Variants in RGS3 observed in about 807,000 individuals in gnomAD.
The protein encoded by RGS3 is regulator of G protein signaling 3, also known as regulator of G-protein signalling 3.
In RGS3, 80 loss-of-function variants were observed where a neutral mutation model predicts 132.6. That is an observed-to-expected ratio of 0.60 (90% CI 0.50 to 0.73). The LOEUF is 0.73. Among genes scored for constraint, RGS3 ranks in the 30% least tolerant of loss-of-function variants. The probability of loss-of-function intolerance (pLI) is 0.00; values close to 1 mark genes in which losing one functional copy is unlikely to be tolerated. For synonymous variants in RGS3, 598 were observed against 620.6 expected, an observed-to-expected ratio of 0.96 and a Z score of 0.54; for missense variants, 1,382 against 1,530.8, an observed-to-expected ratio of 0.90 and a Z score of 1.62.
chr9:113,593,888 C>T (rs1473047094), intron 21 of RGS3: 4 of 1,557,796 alleles, frequency 2.6e-6, no homozygotes, highest in Non-Finnish European at 3.5e-6. Context: ...GCTGACTTGT[C>T]CCCCACCCCC....
chr9:113,474,859 G>A (rs748354150), intron 3 of RGS3, among the ~76,000 whole-genome samples: 52 of 152,120 alleles, frequency 3.4e-4, no homozygotes, highest in Non-Finnish European at 6.2e-4. Flanking sequence ...GACACATTCC[G>A]GCTGATCCCT....
In RGS3 at chr9:113,461,902, G is replaced by A. The variant is rs1477033719; in HGVS notation, c.234+42G>A. The A allele has an allele frequency of 6.9e-6, 11 of 1,602,820 alleles. No individual in the cohort carries two copies. In the East Asian group the frequency reaches 2.5e-4, roughly 36 times the overall value. On this transcript the variant is annotated intron_variant, in intron 2 of 24. Transcript: ENST00000350696. ...GCACATCACCTTCCCTTTTCCCTGT[G>A]GGCCTTCCTTTGCTGTTTCCTGAAC...
intron 19 of RGS3, among the ~76,000 whole-genome samples, chr9:113,561,494 C>T (rs1415465190): frequency 6.6e-6 from 1 of 151,932 alleles, no homozygotes; most frequent in African/African-American, 2.4e-5. Context: ...CTCATTGCAG[C>T]CTCAACCTCC....
upstream of RGS3, among the ~76,000 whole-genome samples, chr9:113,456,055 G>A (rs191676557): frequency 2.0e-5 from 3 of 152,194 alleles, no homozygotes; most frequent in African/African-American, 7.2e-5. Flanking sequence ...TAAACCTACT[G>A]GACCTCTTAA....
At chr9:113,451,560 C>T (rs1006566800) in intron 1 of RGS3, among the ~76,000 whole-genome samples, 26 of 152,318 alleles carry the variant, frequency 1.7e-4, no homozygotes, top group African/African-American at 5.8e-4. Flanking sequence ...TAAGTAGCAT[C>T]CATATTCCCA....
At chr9:113,582,153 G>A in intron 19 of RGS3, 1 of 985,438 alleles carries the variant, frequency 1.0e-6, no homozygotes, top group Non-Finnish European at 1.2e-6. Flanking sequence ...CCCAGCTGTG[G>A]GGCTTCACCA....
chr9:113,569,259 G>T (rs903197220), intron 19 of RGS3, among the ~76,000 whole-genome samples: 1 of 152,190 alleles, frequency 6.6e-6, no homozygotes, highest in Non-Finnish European at 1.5e-5. Context: ...TGGGCAAATA[G>T]CAGAGCTCGG....
intron 19 of RGS3, among the ~76,000 whole-genome samples, chr9:113,573,405 C>T (rs929690859): frequency 6.6e-6 from 1 of 152,208 alleles, no homozygotes; most frequent in South Asian, 2.1e-4. Flanking sequence ...CCATGGGCTA[C>T]TGTGTGCCAG....
At chr9:113,567,434 C>G (rs903891322) in intron 19 of RGS3, among the ~76,000 whole-genome samples, 1 of 152,190 alleles carries the variant, frequency 6.6e-6, no homozygotes, top group African/African-American at 2.4e-5. Flanking sequence ...AGGGGCGTTG[C>G]ATTGTCCTGG....
At chr9:113,456,291 G>A (rs1257749882), upstream of RGS3, among the ~76,000 whole-genome samples, 1 of 152,132 alleles carries the variant, frequency 6.6e-6, no homozygotes, top group African/African-American at 2.4e-5. Context: ...TTTTTGCTGA[G>A]CTTCAGACCA....
chr9:113,482,970 G>A, intron 4 of RGS3, 89 bp from the exon 3 acceptor site: 1 of 1,605,958 alleles, frequency 6.2e-7, no homozygotes. Flanking sequence ...TATTCGTGTG[G>A]ATGGATATGT....
At chr9:113,483,961 C>T (rs1240904133) in intron 5 of RGS3, among the ~76,000 whole-genome samples, 177 bp from the exon 4 acceptor site, 1 of 152,136 alleles carries the variant, frequency 6.6e-6, no homozygotes. Context: ...TCCAATGTCT[C>T]TTGCCCTGGG....
chr9:113,577,965 A>G (rs923028079), intron 19 of RGS3, among the ~76,000 whole-genome samples: 3 of 152,276 alleles, frequency 2.0e-5, no homozygotes, highest in African/African-American at 7.2e-5. Context: ...CACAGAGCCT[A>G]GAACAGTGTC....
At chr9:113,496,951 C>T (rs1166194546) in intron 8 of RGS3, among the ~76,000 whole-genome samples, 1 of 152,182 alleles carries the variant, frequency 6.6e-6, no homozygotes. Flanking sequence ...GTCTCTCCAT[C>T]CCTCTTTCAC....
At chr9:113,486,732 A>G (rs1830344320) in intron 7 of RGS3, among the ~76,000 whole-genome samples, 2 of 152,248 alleles carry the variant, frequency 1.3e-5, no homozygotes, top group African/African-American at 4.8e-5. Flanking sequence ...GAGACCTGGA[A>G]AACATTTTTG....
intron 7 of RGS3, 108 bp downstream of exon 5, chr9:113,485,801 G>A: frequency 1.4e-6 from 1 of 740,686 alleles, no homozygotes; most frequent in Non-Finnish European, 2.3e-6. Flanking sequence ...GGATAAATGA[G>A]TGATAGTGGC....
At chr9:113,576,274 C>G (rs1834518501) in intron 19 of RGS3, among the ~76,000 whole-genome samples, 1 of 151,684 alleles carries the variant, frequency 6.6e-6, no homozygotes, top group Non-Finnish European at 1.5e-5. Context: ...GCTGCTGGCT[C>G]TTGGGCTGCA....
chr9:113,586,764 T>TTACTGG (rs1835135788), intron 20 of RGS3, among the ~76,000 whole-genome samples: 1 of 152,236 alleles, frequency 6.6e-6, no homozygotes, highest in South Asian at 2.1e-4. Context: ...GCTCCATCTC[T>TTACTGG]TACTGGTACT....
intron 7 of RGS3, among the ~76,000 whole-genome samples, chr9:113,489,963 A>G (rs60806561): frequency 0.063 from 9,545 of 152,240 alleles, 763 homozygotes; most frequent in East Asian, 0.37. Flanking sequence ...CTTGTGTTAG[A>G]GAAACAAGAT....
Sources: gnomAD v4.1 joint callset for allele counts (sites outside exome capture counted in the v4.1 genomes callset) on GRCh38, gnomAD v4.1.1 for gene constraint, MANE v1.5 for transcripts, NCBI Gene and HGNC (gene_info 2026-07-23, HGNC 2026-07-21) for gene names.